Variants in RARB observed in about 807,000 individuals in gnomAD.
The protein encoded by RARB is HBV-activated protein.
RARB carries 17 observed loss-of-function variants against 51.9 expected under a neutral mutation model. That is an observed-to-expected ratio of 0.33 (90% CI 0.22 to 0.49). The LOEUF (loss-of-function observed/expected upper bound fraction) is 0.49. Ranked by LOEUF, RARB falls within the 20% of genes least tolerant of loss-of-function variation. RARB has a pLI of 0.99. For missense variants in RARB, 369 were observed against 550.8 expected (o/e 0.67, Z 3.30); for synonymous variants, 215 against 195.4 (o/e 1.10, Z -0.84).
intron 2 of RARB, among the ~76,000 whole-genome samples, chr3:25,007,696 T>C (rs1443169340): frequency 1.3e-5 from 2 of 151,844 alleles, no homozygotes; most frequent in Non-Finnish European, 2.9e-5. Context: ...TACTGCCTTA[T>C]AAGACTCAAG....
intron 5 of RARB, among the ~76,000 whole-genome samples, chr3:25,377,017 G>GTTTTTT (rs1559377362): frequency 7.0e-4 from 100 of 141,848 alleles, no homozygotes; most frequent in African/African-American, 2.1e-3. Context: ...TATTAGTTTA[G>GTTTTTT]TTTGTTTGTT....
chr3:25,508,656 T>G (rs1697731364), intron 3 of RARB, among the ~76,000 whole-genome samples: 1 of 152,202 alleles, frequency 6.6e-6, no homozygotes, highest in Non-Finnish European at 1.5e-5. Context: ...GCCTGTTACT[T>G]TGCTTCCAGG....
intron 1 of RARB, among the ~76,000 whole-genome samples, chr3:25,456,288 C>A (rs1357423501): frequency 6.6e-6 from 1 of 152,128 alleles, no homozygotes; most frequent in Non-Finnish European, 1.5e-5. Context: ...CCAAAAATGA[C>A]TGGTAAAAGG....
intron 3 of RARB, among the ~76,000 whole-genome samples, chr3:25,060,492 G>C (rs372602016): frequency 1.3e-5 from 2 of 151,816 alleles, no homozygotes; most frequent in African/African-American, 2.4e-5. Context: ...GGACCCTACA[G>C]CTTCTGTTAC....
Position 25,399,199 on chromosome 3 carries a change from G to C in RARB, c.179-61994G>C, listed in dbSNP as rs146857221. On this transcript the variant is annotated intron_variant, in intron 5 of 11. Coordinates refer to the RARB transcript ENST00000383772. Reference sequence around the variant, plus strand: ...ACTGAGAAATAAACCCCCTGGGCTTGCTGGCTTTGCAGTTCTTTCCCCTGA... The same window carrying C: ...ACTGAGAAATAAACCCCCTGGGCTTCCTGGCTTTGCAGTTCTTTCCCCTGA... 2.0e-5 allele frequency among the ~76,000 whole-genome samples: 3 copies of C among 152,322 alleles called. No homozygotes were observed. The East Asian group carries it at 5.8e-4, about 29-fold the overall frequency.
chr3:25,134,357 TGCTTGGGTTTCCATCTAG>T (rs1699998137), intron 4 of RARB, among the ~76,000 whole-genome samples: 1 of 152,020 alleles, frequency 6.6e-6, no homozygotes, highest in African/African-American at 2.4e-5. Flanking sequence ...TAGAGCCAGC[TGCTTGGGTTTCCATCTAG>T]GTTTTGCTGT....
chr3:25,100,249 A>G (rs1211722242), intron 3 of RARB, among the ~76,000 whole-genome samples: 1 of 152,192 alleles, frequency 6.6e-6, no homozygotes, highest in African/African-American at 2.4e-5. Flanking sequence ...ATCAATAGCA[A>G]GTTAAGGAAA....
At chr3:24,834,190 C>T (rs932469706) in intron 1 of RARB, among the ~76,000 whole-genome samples, 7 of 152,160 alleles carry the variant, frequency 4.6e-5, no homozygotes, top group Admixed American at 1.3e-4. Flanking sequence ...GTGGATCCCA[C>T]GCTAAAGCGA....
chr3:25,267,742 A>G (rs1438093437), intron 5 of RARB, among the ~76,000 whole-genome samples: 1 of 152,134 alleles, frequency 6.6e-6, no homozygotes, highest in Admixed American at 6.6e-5. Flanking sequence ...CTGGAAGTTC[A>G]TTTTATGTGA....
intron 5 of RARB, among the ~76,000 whole-genome samples, chr3:25,351,874 G>A (rs564089806): frequency 4.6e-5 from 7 of 152,154 alleles, no homozygotes; most frequent in Non-Finnish European, 7.4e-5. Flanking sequence ...TAATGTGAGT[G>A]TTTCTGATTA....
chr3:25,571,577 C>G (rs1411919951), intron 4 of RARB, among the ~76,000 whole-genome samples: 1 of 152,200 alleles, frequency 6.6e-6, no homozygotes, highest in Non-Finnish European at 1.5e-5. Flanking sequence ...CAGGCCAGGA[C>G]AAGACTGGAC....
chr3:24,857,760 AC>A (rs1702661952), intron 1 of RARB, among the ~76,000 whole-genome samples: 1 of 152,174 alleles, frequency 6.6e-6, no homozygotes, highest in African/African-American at 2.4e-5. Context: ...TACAAAAAAA[AC>A]AAAACAAAAC....
At chr3:24,899,126 G>A (rs1016917608) in intron 2 of RARB, among the ~76,000 whole-genome samples, 11 of 152,034 alleles carry the variant, frequency 7.2e-5, no homozygotes, top group African/African-American at 1.9e-4. Flanking sequence ...CTTAATTTTC[G>A]AGGCCTGGTG....
chr3:25,012,555 G>T (rs116665661), intron 2 of RARB, among the ~76,000 whole-genome samples: 1 of 152,096 alleles, frequency 6.6e-6, no homozygotes, highest in African/African-American at 2.4e-5. Flanking sequence ...CAGTTTTACC[G>T]TCTTATTACA....
intron 3 of RARB, among the ~76,000 whole-genome samples, chr3:25,553,958 C>G (rs1047219698): frequency 3.3e-5 from 5 of 152,032 alleles, no homozygotes; most frequent in African/African-American, 9.7e-5. Context: ...TTCCCACTCC[C>G]CCTCCCCAAC....
chr3:25,320,237 A>C (rs1462944355), intron 5 of RARB, among the ~76,000 whole-genome samples: 1 of 152,180 alleles, frequency 6.6e-6, no homozygotes, highest in Non-Finnish European at 1.5e-5. Flanking sequence ...TTCAGAAAGA[A>C]TATTAGGGCA....
intron 2 of RARB, among the ~76,000 whole-genome samples, chr3:24,959,737 T>A (rs1197386335): frequency 1.3e-5 from 2 of 152,144 alleles, no homozygotes; most frequent in Non-Finnish European, 2.9e-5. Context: ...GTGTGATCTT[T>A]CCTTGATGTT....
At chr3:25,542,496 C>G (rs1247959742) in intron 3 of RARB, among the ~76,000 whole-genome samples, 1 of 152,152 alleles carries the variant, frequency 6.6e-6, no homozygotes, top group Non-Finnish European at 1.5e-5. Flanking sequence ...ACCAAACTGT[C>G]TAGGGTCCAC....
chr3:24,942,475 C>T (rs1246981618), intron 2 of RARB, among the ~76,000 whole-genome samples: 1 of 152,136 alleles, frequency 6.6e-6, no homozygotes, highest in Non-Finnish European at 1.5e-5. Flanking sequence ...GTCAACAAGA[C>T]TTGATGGCTA....
Sources: allele counts gnomAD v4.1 joint callset (sites outside exome capture counted in the v4.1 genomes callset), GRCh38; gene constraint gnomAD v4.1.1; transcripts MANE v1.5; gene names NCBI Gene and HGNC (gene_info 2026-07-23, HGNC 2026-07-21).